Variants in DNTTIP1 observed in about 807,000 individuals in gnomAD.
DNTTIP1 encodes deoxynucleotidyltransferase terminal interacting protein 1.
Under a neutral mutation model 52.9 loss-of-function variants are expected in DNTTIP1, and 22 were observed. That is an observed-to-expected ratio of 0.42 (90% CI 0.30 to 0.59). The LOEUF (loss-of-function observed/expected upper bound fraction) is 0.59. DNTTIP1 is among the 20% of genes least tolerant of loss of function. The pLI is 0.22. For missense variants in DNTTIP1, 286 were observed against 435.5 expected, an observed-to-expected ratio of 0.66 and a Z score of 3.06; for synonymous variants, 136 against 155.1, an observed-to-expected ratio of 0.88 and a Z score of 0.92.
chr20:45,806,709 C>T (rs1392366477), intron 10 of DNTTIP1, among the ~76,000 whole-genome samples: 3 of 152,232 alleles, frequency 2.0e-5, no homozygotes, highest in Non-Finnish European at 4.4e-5. Context: ...TACCTGCTCA[C>T]GCTTCTTCTC....
chr20:45,792,949 G>A (rs963521699), intron 2 of DNTTIP1, among the ~76,000 whole-genome samples: 2 of 152,208 alleles, frequency 1.3e-5, no homozygotes, highest in African/African-American at 4.8e-5. Flanking sequence ...TACAAAATGG[G>A]GAAGGGCACA....
rs750088161 is a variant in DNTTIP1, at chr20:45,802,071, A to G, written c.557+14A>G. 3.6e-5 allele frequency: 58 copies of G among 1,613,816 alleles called. No homozygotes were observed. Among genetic ancestry groups the G allele is most frequent in the Non-Finnish European group, 4.9e-5 (58 of 1,179,982 alleles). The stretch of plus-strand genomic sequence containing the variant: ...CGCCGGCATGGTGTGAGTAGGGACC[A>G]ACAGTGTGGTGAGAGCATAGGGGAG... On this transcript the variant is annotated intron_variant, in intron 7 of 12. Coordinates refer to ENST00000372622, the MANE Select transcript of DNTTIP1 (RefSeq NM_052951.3).
At chr20:45,799,903 T>C (rs1338612699) in intron 4 of DNTTIP1, among the ~76,000 whole-genome samples, 1 of 145,678 alleles carries the variant, frequency 6.9e-6, no homozygotes, top group Non-Finnish European at 1.5e-5. Context: ...GTCAGAAGTG[T>C]GAGACTAGCC....
intron 10 of DNTTIP1, among the ~76,000 whole-genome samples, chr20:45,806,355 C>CAGAAAAA (rs1981644823): frequency 7.6e-6 from 1 of 131,752 alleles, no homozygotes; most frequent in Admixed American, 7.9e-5. Flanking sequence ...AACTCCATCT[C>CAGAAAAA]AAAAAAAAAA....
intron 4 of DNTTIP1, among the ~76,000 whole-genome samples, chr20:45,795,865 A>G (rs1050243135): frequency 1.3e-5 from 2 of 152,216 alleles, no homozygotes; most frequent in Admixed American, 6.6e-5. Flanking sequence ...CCAGCAAGCC[A>G]CATATTGAGA....
intron 3 of DNTTIP1, among the ~76,000 whole-genome samples, chr20:45,794,337 C>A (rs145014792): frequency 2.0e-5 from 3 of 151,820 alleles, no homozygotes; most frequent in African/African-American, 7.3e-5. Context: ...TTAGTAGAGA[C>A]GGGGTTTCAC....
chr20:45,801,552 C>A, intron 6 of DNTTIP1, 94 bp downstream of exon 6: 1 of 1,322,344 alleles, frequency 7.6e-7, no homozygotes, highest in Non-Finnish European at 1.1e-6. Flanking sequence ...CTTTGGGAGG[C>A]CAAGCGGGGA....
rs750976954 is a variant in DNTTIP1 at position 45,801,160 on chromosome 20, C to G, written c.441+18C>G. 4 of 1,612,852 alleles carry G rather than the reference C, an allele frequency of 2.5e-6. No individual in the cohort carries two copies. Among genetic ancestry groups the G allele is most frequent in the Non-Finnish European group, 3.4e-6 (4 of 1,178,854 alleles). On this transcript the variant is annotated intron_variant, in intron 5 of 12. Coordinates refer to ENST00000372622, the MANE Select transcript of DNTTIP1 (RefSeq NM_052951.3). ...GAATAAAGGTCAGAGTCACTGTGTT[C>G]TCGGGTATTGGAGCGGGAGGTCCTT...
chr20:45,810,575 CTTTTTTT>C (rs57338956), intron 11 of DNTTIP1, among the ~76,000 whole-genome samples: 5 of 124,140 alleles, frequency 4.0e-5, no homozygotes, highest in South Asian at 2.6e-4. Context: ...TTCTTTTTTT[CTTTTTTT>C]TTTTTTTTTC....
chr20:45,792,776 T>A, intron 2 of DNTTIP1, 29 bp downstream of exon 2: 1 of 1,590,450 alleles, frequency 6.3e-7, no homozygotes, highest in East Asian at 2.2e-5. Flanking sequence ...GGGGCTTATA[T>A]CCCAGCCACT....
chr20:45,798,462 C>T (rs1391967567), intron 4 of DNTTIP1, among the ~76,000 whole-genome samples: 2 of 151,982 alleles, frequency 1.3e-5, no homozygotes, highest in South Asian at 2.1e-4. Context: ...TGCACATGTA[C>T]CCTAAAACTT....
chr20:45,794,098 C>G, intron 3 of DNTTIP1, 81 bp downstream of exon 3: 1 of 820,098 alleles, frequency 1.2e-6, no homozygotes, highest in Non-Finnish European at 1.9e-6. Context: ...CAGTCTGTCT[C>G]TTTCCTACAT....
rs750661923 is a variant in DNTTIP1, at chr20:45,805,195, G to A, written c.653G>A (p.Arg218Gln). 3.1e-6 allele frequency: 5 copies of A among 1,614,160 alleles called. No individual in the cohort carries two copies. The highest frequency in any genetic ancestry group is 2.2e-5 in the East Asian group (1 of 44,888). ...NESTTFVLGSRANKALGMGGT... is the reference protein window; with the variant it reads ...NESTTFVLGSQANKALGMGGT... ...TCTACCACCTTTGTGTTGGGATCTCGAGCCAACAAGTAAGTTTAAGAGCTT... is the reference window on the plus strand; with the variant it reads ...TCTACCACCTTTGTGTTGGGATCTCAAGCCAACAAGTAAGTTTAAGAGCTT... Residue 218 changes from arginine (R) to glutamine (Q), a missense_variant, in exon 9 of 13, where the codon CGA becomes CAA. Physicochemically the swap from Arg to Gln is conservative, Grantham distance 43. Coordinates refer to ENST00000372622, the MANE Select transcript of DNTTIP1 (RefSeq NM_052951.3).
chr20:45,810,581 T>C (rs1601034033), intron 11 of DNTTIP1, among the ~76,000 whole-genome samples: 1 of 150,384 alleles, frequency 6.6e-6, no homozygotes, highest in South Asian at 2.1e-4. Context: ...TTTTCTTTTT[T>C]TTTTTTTTTT....
At chr20:45,803,497 C>A in intron 8 of DNTTIP1, 119 bp downstream of exon 8, 1 of 1,069,560 alleles carries the variant, frequency 9.3e-7, no homozygotes, top group South Asian at 1.6e-5. Flanking sequence ...ATTCCAGAGC[C>A]ATCTGCCCCT....
At position 45,795,444 on chromosome 20, in the gene DNTTIP1, G is replaced by A. The variant is rs1369867382; in HGVS notation, c.372+1G>A. 1 of 1,595,604 alleles carries A rather than the reference G, an allele frequency of 6.3e-7. No individual in the cohort carries two copies. The highest frequency in any genetic ancestry group is 1.7e-5 in the Admixed American group (1 of 58,444). On this transcript the variant is annotated splice_donor_variant, in intron 4 of 12. Coordinates refer to ENST00000372622, the MANE Select transcript of DNTTIP1 (RefSeq NM_052951.3). LOFTEE classifies it high-confidence loss of function. ...AGCCTGTCGGAGCTGCCTGGAGCAGGTGAGACCAAAGGGGACAAGAGATGC... is the reference window on the plus strand; with the variant it reads ...AGCCTGTCGGAGCTGCCTGGAGCAGATGAGACCAAAGGGGACAAGAGATGC...
At position 45,805,141 on chromosome 20, in the gene DNTTIP1, C is replaced by T; in HGVS notation, c.604-5C>T. ...CCCTCACGAGCTTCTCTATTTTTTGCACAGTGGGACCCAGCTCGCCTGAAT... is the reference window on the plus strand; with the variant it reads ...CCCTCACGAGCTTCTCTATTTTTTGTACAGTGGGACCCAGCTCGCCTGAAT... On this transcript the variant is annotated splice_region_variant and splice_polypyrimidine_tract_variant and intron_variant, in intron 8 of 12. Coordinates refer to ENST00000372622, the MANE Select transcript of DNTTIP1 (RefSeq NM_052951.3). 6.2e-7 allele frequency: 1 copy of T among 1,614,086 alleles called. No individual in the cohort carries two copies. Among genetic ancestry groups the T allele is most frequent in the Non-Finnish European group, 8.5e-7 (1 of 1,179,914 alleles).
At chr20:45,803,884 C>T (rs7272593) in intron 8 of DNTTIP1, among the ~76,000 whole-genome samples, 2,556 of 152,286 alleles carry the variant, frequency 0.017, 72 homozygotes, top group African/African-American at 0.058. Context: ...ACCCAAGACC[C>T]GCTGACACCA....
Position 45,791,999 on chromosome 20 carries a change from G to A in DNTTIP1, c.-6G>A. The A allele has an allele frequency of 2.4e-6, 3 of 1,255,754 alleles. No homozygotes were observed. Among genetic ancestry groups the A allele is most frequent in the African/African-American group, 1.5e-5 (1 of 65,458 alleles). 77.8% of individuals were successfully genotyped at this position (1,255,754 alleles called of 1,614,324 possible). ...GTCCAGCGGAGTTGTGGGGGCCGGG[G>A]GCGCCATGGGAGCCACTGGCGACGC... On this transcript the variant is annotated 5_prime_UTR_variant, in exon 1 of 13. Coordinates refer to ENST00000372622, the MANE Select transcript of DNTTIP1 (RefSeq NM_052951.3).
Sources: allele counts gnomAD v4.1 joint callset (sites outside exome capture counted in the v4.1 genomes callset), GRCh38; gene constraint gnomAD v4.1.1; transcripts MANE v1.5; gene names NCBI Gene and HGNC (gene_info 2026-07-23, HGNC 2026-07-21).